CLDN11: variants seen among roughly 807,000 people sequenced by gnomAD.
CLDN11 encodes claudin 11, also known as claudin-11.
In CLDN11, 1 loss-of-function variant was observed where a neutral mutation model predicts 18.0. The observed-to-expected ratio is 0.06, with a 90% confidence interval of 0.02 to 0.26. The LOEUF (loss-of-function observed/expected upper bound fraction) is 0.26, where lower values mean the gene tolerates loss of function less well. CLDN11 is among the 10% of genes least tolerant of loss of function. The pLI is 1.00. For missense variants in CLDN11, 172 were observed against 276.6 expected, an observed-to-expected ratio of 0.62 and a Z score of 2.68; for synonymous variants, 116 against 121.5, an observed-to-expected ratio of 0.96 and a Z score of 0.30.
intron 1 of CLDN11, among the ~76,000 whole-genome samples, chr3:170,422,867 A>G (rs558342322): frequency 1.3e-5 from 2 of 152,314 alleles, no homozygotes; most frequent in African/African-American, 4.8e-5. Context: ...TTTCATCTGA[A>G]CTTTCTCAGG....
intron 1 of CLDN11, 59 bp from the exon 2 acceptor site, chr3:170,423,104 G>T (rs768039957): frequency 6.3e-7 from 1 of 1,577,752 alleles, no homozygotes; most frequent in South Asian, 1.1e-5. Context: ...CTAAGGCAGG[G>T]CTCAGGAAGC....
At chr3:170,423,602 A>G in intron 2 of CLDN11, 1 of 415,878 alleles carries the variant, frequency 2.4e-6, no homozygotes, top group Non-Finnish European at 4.4e-6. Flanking sequence ...AAGACCTGAA[A>G]GATGGAAGCC....
chr3:170,432,720 T>C lies in CLDN11; in HGVS notation c.588T>C (p.Ser196=). ...ACCGTTTCTACTACACTGCGGGCTC[T>C]AGCTCCCCGACTCATGCGAAGAGTG... ...GENRFYYTAG[S]SSPTHAKSAH... Residue 196 remains serine (S), a synonymous_variant, in exon 3 of 3, where the codon TCT becomes TCC. Transcript: ENST00000064724. The C allele has an allele frequency of 6.2e-7, 1 of 1,614,236 alleles. No individual in the cohort carries two copies. Among genetic ancestry groups the C allele is most frequent in the Non-Finnish European group, 8.5e-7 (1 of 1,180,044 alleles).
At position 170,431,901 on chromosome 3, in the gene CLDN11, A is replaced by G. The variant is rs151141079; in HGVS notation, c.392-623A>G. Among the ~76,000 whole-genome samples, 3 of 152,352 alleles carry G rather than the reference A, an allele frequency of 2.0e-5. No homozygotes were observed. The East Asian group carries it at 5.8e-4, about 29-fold the overall frequency. On this transcript the variant is annotated intron_variant, in intron 2 of 2. Coordinates refer to ENST00000064724, the MANE Select transcript of CLDN11 (RefSeq NM_005602.6). ...TCTGGTACTCCGTTTTCATCTAGCA[A>G]CATTCACCACAGCAAGAGAAATTTC...
chr3:170,432,400 T>C, intron 2 of CLDN11, 124 bp from the exon 3 acceptor site: 1 of 1,500,086 alleles, frequency 6.7e-7, no homozygotes, highest in Non-Finnish European at 8.9e-7. Flanking sequence ...AGCAGAACTG[T>C]GTGTATGGAG....
intron 1 of CLDN11, among the ~76,000 whole-genome samples, chr3:170,420,805 G>A (rs536483877): frequency 3.9e-5 from 6 of 152,226 alleles, no homozygotes; most frequent in Admixed American, 3.3e-4. Flanking sequence ...GCCAGCCTCC[G>A]GCATCCAGGA....
At position 170,434,068 on chromosome 3, in the gene CLDN11, C is replaced by T. The variant is rs941480038; in HGVS notation, c.*1312C>T. The T allele has an allele frequency of 6.6e-6, 1 of 152,578 alleles. No individual in the cohort carries two copies. The highest frequency in any genetic ancestry group is 2.4e-5 in the African/African-American group (1 of 41,434). The allele number at this position is 152,578 out of a possible 1,614,324, so 9.5% of individuals were successfully genotyped here. A position where few individuals can be genotyped will look rare whatever the true frequency, so the allele number is the denominator to read the frequency against. ...GTGCATTTTATTCTTGAAGTGAAAT[C>T]TGTGCAATAAAATAACAGACTGTCT... is the stretch of plus-strand genomic sequence containing the variant. On this transcript the variant is annotated 3_prime_UTR_variant, in exon 3 of 3. Transcript: ENST00000064724.
In CLDN11 at chr3:170,419,004, T is replaced by G; in HGVS notation, c.-63T>G. The G allele has an allele frequency of 8.0e-7, 1 of 1,256,016 alleles. No individual in the cohort carries two copies. Among genetic ancestry groups the G allele is most frequent in the South Asian group, 1.3e-5 (1 of 76,472 alleles). 77.8% of individuals were successfully genotyped at this position (1,256,016 alleles called of 1,614,324 possible). On this transcript the variant is annotated 5_prime_UTR_variant, in exon 1 of 3. Transcript: ENST00000064724. This position sits in a 1 kb window ranked among gnomAD's most constrained non-coding sequence, Gnocchi z 8.6. ...GTGGGAGACGTACCTGGGCAGGCAC[T>G]GTCCAGCCCAGGCCCAGGCACAGCC...
At chr3:170,421,440 C>A in intron 1 of CLDN11, 1 of 196,108 alleles carries the variant, frequency 5.1e-6, no homozygotes, top group Non-Finnish European at 9.3e-6. Context: ...AGTCAGTAGA[C>A]ACTTGACTGA....
intron 2 of CLDN11, among the ~76,000 whole-genome samples, chr3:170,424,680 C>T (rs149696210): frequency 1.3e-5 from 2 of 152,134 alleles, no homozygotes; most frequent in Non-Finnish European, 2.9e-5. Flanking sequence ...TATAAAATCA[C>T]CTTCTTCTGA....
chr3:170,423,431 C>G (rs979102595), intron 2 of CLDN11, 104 bp downstream of exon 2: 2 of 1,288,860 alleles, frequency 1.6e-6, no homozygotes, highest in African/African-American at 2.9e-5. Context: ...TGAAAGGAAG[C>G]CAAGTGAAGC....
chr3:170,434,041 TGGTGCATTTTA>T lies in CLDN11; in HGVS notation c.*1286_*1296del, dbSNP rs1739075685. ...AGACCCCAAACTCTCCAAATACTGA[TGGTGCATTTTA>T]TTCTTGAAGTGAAATCTGTGCAATA... On this transcript the variant is annotated 3_prime_UTR_variant, in exon 3 of 3. Coordinates refer to ENST00000064724, the MANE Select transcript of CLDN11 (RefSeq NM_005602.6). 1 of 152,612 alleles carries T rather than the reference TGGTGCATTTTA, an allele frequency of 6.6e-6. No individual in the cohort carries two copies. Among genetic ancestry groups the T allele is most frequent in the Non-Finnish European group, 1.5e-5 (1 of 68,036 alleles). 9.5% of individuals were successfully genotyped at this position (152,612 alleles called of 1,614,324 possible).
At chr3:170,421,389 TG>T in intron 1 of CLDN11, 1 of 642,744 alleles carries the variant, frequency 1.6e-6, no homozygotes, top group Non-Finnish European at 1.9e-6. Context: ...GGTCAGGGGA[TG>T]GGCCTCAGAC....
At position 170,423,256 on chromosome 3, in the gene CLDN11, G is replaced by A. The variant is rs758346582; in HGVS notation, c.320G>A (p.Arg107Gln). The change falls in exon 2 of 3, where the codon CGG (arginine) becomes CAG (glutamine). Residue 107 changes from arginine to glutamine, a missense_variant. Physicochemically the swap from Arg to Gln is conservative, Grantham distance 43 (BLOSUM62 1). Around this residue, in one of 3 missense-constraint regions of CLDN11, gnomAD observed 161 missense variants for 240.3 expected, o/e 0.67. Coordinates refer to ENST00000064724, the MANE Select transcript of CLDN11 (RefSeq NM_005602.6). ...CTGCTGACTGTTCTTCCCTGCATCC[G>A]GATGGGCCAGGAGCCCGGTGTGGCT... ...LLLLTVLPCI[R>Q]MGQEPGVAKY... 8.7e-6 allele frequency: 14 copies of A among 1,614,052 alleles called. No individual in the cohort carries two copies. Among genetic ancestry groups the A allele is most frequent in the Admixed American group, 1.7e-5 (1 of 60,006 alleles).
chr3:170,432,802 A>C lies in CLDN11; in HGVS notation c.*46A>C, dbSNP rs770906073. The C allele has an allele frequency of 6.4e-7, 1 of 1,569,482 alleles. No individual in the cohort carries two copies. The highest frequency in any genetic ancestry group is 8.8e-7 in the Non-Finnish European group (1 of 1,139,638). On this transcript the variant is annotated 3_prime_UTR_variant, in exon 3 of 3. Coordinates refer to ENST00000064724, the MANE Select transcript of CLDN11 (RefSeq NM_005602.6). The stretch of plus-strand genomic sequence containing the variant: ...CAGAGGTGCTGTAGATGCTGGGCCC[A>C]GGGCCCTAGGTTTGCTCGTCACAGT...
At position 170,423,191 on chromosome 3, in the gene CLDN11, G is replaced by A; in HGVS notation, c.255G>A (p.Met85Ile). The change falls in exon 2 of 3, where the codon ATG becomes ATA. Residue 85 changes from methionine to isoleucine, a missense_variant. Met to Ile is a conservative substitution (Grantham distance 10). This residue lies in a region of CLDN11 where 161 missense variants were observed against 240.3 expected (regional missense o/e 0.67). Coordinates refer to ENST00000064724, the MANE Select transcript of CLDN11 (RefSeq NM_005602.6). ...PGYVQACRAL[M>I]IAASVLGLPA... ...ACGTGCAGGCCTGCCGCGCCCTGAT[G>A]ATTGCTGCCTCGGTCCTGGGTCTGC... is the stretch of plus-strand genomic sequence containing the variant. 1 of 1,614,226 alleles carries A rather than the reference G, an allele frequency of 6.2e-7. No individual in the cohort carries two copies. Among genetic ancestry groups the A allele is most frequent in the Non-Finnish European group, 8.5e-7 (1 of 1,180,038 alleles).
intron 2 of CLDN11, among the ~76,000 whole-genome samples, chr3:170,430,435 C>T (rs1317775551): frequency 6.6e-6 from 1 of 152,172 alleles, no homozygotes; most frequent in Non-Finnish European, 1.5e-5. Flanking sequence ...AATACATCTT[C>T]TCATGGTATC....
chr3:170,424,235 A>T (rs562132669), intron 2 of CLDN11, among the ~76,000 whole-genome samples: 1 of 152,060 alleles, frequency 6.6e-6, no homozygotes, highest in Non-Finnish European at 1.5e-5. Flanking sequence ...CTTTGAGTGT[A>T]CTTGGAAACC....
At chr3:170,428,164 T>C (rs1201411956) in intron 2 of CLDN11, among the ~76,000 whole-genome samples, 1 of 151,744 alleles carries the variant, frequency 6.6e-6, no homozygotes, top group Non-Finnish European at 1.5e-5. Flanking sequence ...AAAAGATTTA[T>C]TGGAAGGAGG....
Sources: allele counts gnomAD v4.1 joint callset (sites outside exome capture counted in the v4.1 genomes callset), GRCh38; gene constraint gnomAD v4.1.1; regional missense constraint gnomAD v4.1.1; non-coding constraint Gnocchi (gnomAD v3.1); transcripts MANE v1.5; gene names NCBI Gene and HGNC (gene_info 2026-07-23, HGNC 2026-07-21).